BMAL1: variants seen among roughly 807,000 people sequenced by gnomAD.
BMAL1 encodes the protein basic helix-loop-helix ARNT like 1, also known as basic helix-loop-helix ARNT-like protein 1.
At chr11:13,357,465 G>A in the BMAL1 span, among the ~76,000 whole-genome samples, 1 of 152,216 alleles carries the variant, frequency 6.6e-6, no homozygotes, top group Admixed American at 6.5e-5. This position sits in a 1 kb window ranked among gnomAD's most constrained non-coding sequence, Gnocchi z 4.8. Flanking sequence ...CCTCTGTCAG[G>A]GGCCCCTATT....
the BMAL1 span, among the ~76,000 whole-genome samples, chr11:13,289,480 C>G: frequency 6.6e-6 from 1 of 152,090 alleles, no homozygotes; most frequent in Non-Finnish European, 1.5e-5. Context: ...TTTGCTGCAC[C>G]CATTAACTCA....
chr11:13,372,625 C>T, the BMAL1 span, among the ~76,000 whole-genome samples: 4 of 152,074 alleles, frequency 2.6e-5, no homozygotes, highest in East Asian at 1.9e-4. Context: ...GCCTGGGCAA[C>T]GTGGCAAAAC....
At chr11:13,300,886 T>A in the BMAL1 span, among the ~76,000 whole-genome samples, 1 of 152,142 alleles carries the variant, frequency 6.6e-6, no homozygotes, top group Non-Finnish European at 1.5e-5. Flanking sequence ...GAGGTATGTG[T>A]TGGCTTTGGA....
At chr11:13,280,503 A>G in the BMAL1 span, among the ~76,000 whole-genome samples, 3 of 152,164 alleles carry the variant, frequency 2.0e-5, no homozygotes, top group African/African-American at 4.8e-5. Flanking sequence ...TTCATCATCA[A>G]CTCTCACTGT....
chr11:13,297,898 C>T, the BMAL1 span, among the ~76,000 whole-genome samples: 2 of 152,202 alleles, frequency 1.3e-5, no homozygotes, highest in Non-Finnish European at 2.9e-5. Flanking sequence ...CCAAAGCTGT[C>T]TCCTGCTTCC....
chr11:13,303,794 A>G, the BMAL1 span, among the ~76,000 whole-genome samples: 960 of 152,288 alleles, frequency 6.3e-3, 10 homozygotes, highest in African/African-American at 0.022. Flanking sequence ...GCCAGAATTC[A>G]GTCACATGTT....
chr11:13,284,264 A>ATT, the BMAL1 span, among the ~76,000 whole-genome samples: 8 of 34,828 alleles, frequency 2.3e-4, 1 homozygote, highest in African/African-American at 1.2e-3. Context: ...ATATATATAT[A>ATT]TATTTTTTTT....
chr11:13,284,253 TATATATATATATA>T, the BMAL1 span, among the ~76,000 whole-genome samples: 19 of 32,236 alleles, frequency 5.9e-4, 1 homozygote, highest in Non-Finnish European at 8.0e-4. Flanking sequence ...TATATATATA[TATATATATATATA>T]TTTTTTTTTT....
At chr11:13,341,958 G>T in the BMAL1 span, among the ~76,000 whole-genome samples, 2 of 152,224 alleles carry the variant, frequency 1.3e-5, no homozygotes, top group African/African-American at 4.8e-5. Context: ...CCCCAGAGTG[G>T]AAGTGGCAGG....
the BMAL1 span, chr11:13,277,951 G>C: frequency 6.6e-6 from 1 of 151,292 alleles, no homozygotes; most frequent in Non-Finnish European, 1.5e-5. Context: ...GGCGGCCAGC[G>C]ACGCGATCCC....
chr11:13,359,604 T>C, the BMAL1 span, among the ~76,000 whole-genome samples: 1 of 152,174 alleles, frequency 6.6e-6, no homozygotes, highest in Non-Finnish European at 1.5e-5. Context: ...CCTGTCTCCT[T>C]CCCTCCCCAT....
the BMAL1 span, among the ~76,000 whole-genome samples, chr11:13,319,430 CA>C: frequency 2.6e-5 from 4 of 152,244 alleles, no homozygotes; most frequent in East Asian, 7.7e-4. Flanking sequence ...AATTACCCTC[CA>C]AAAAGGCTGT....
At chr11:13,313,169 C>T in the BMAL1 span, among the ~76,000 whole-genome samples, 140 of 152,360 alleles carry the variant, frequency 9.2e-4, 1 homozygote, top group African/African-American at 2.7e-3. Flanking sequence ...CCTCAGGCCT[C>T]GCTTTCTTCA....
chr11:13,356,896 C>T, the BMAL1 span: 14 of 1,591,572 alleles, frequency 8.8e-6, no homozygotes, highest in East Asian at 2.3e-5. Flanking sequence ...GCAAGGAGGC[C>T]GTGAGCCTGT....
At chr11:13,296,996 T>C in the BMAL1 span, among the ~76,000 whole-genome samples, 1 of 152,234 alleles carries the variant, frequency 6.6e-6, no homozygotes, top group East Asian at 1.9e-4. Context: ...AGGGCTCCCA[T>C]GTGGAGTGTG....
chr11:13,376,373 A>G, the BMAL1 span, among the ~76,000 whole-genome samples: 3 of 152,286 alleles, frequency 2.0e-5, no homozygotes, highest in African/African-American at 7.2e-5. Flanking sequence ...AGGTGCTGTA[A>G]TGATGGCAGT....
At chr11:13,307,146 A>G in the BMAL1 span, among the ~76,000 whole-genome samples, 1 of 152,226 alleles carries the variant, frequency 6.6e-6, no homozygotes. Flanking sequence ...GGCAGACAAA[A>G]TGCATCTGGG....
chr11:13,321,956 G>A, the BMAL1 span, among the ~76,000 whole-genome samples: 1 of 152,106 alleles, frequency 6.6e-6, no homozygotes, highest in Non-Finnish European at 1.5e-5. Context: ...ACTAGATTGT[G>A]TCCTTGGTGC....
chr11:13,291,816 G>GATACAGAATACTCTGTATT, the BMAL1 span, among the ~76,000 whole-genome samples: 1 of 152,004 alleles, frequency 6.6e-6, no homozygotes, highest in African/African-American at 2.4e-5. Context: ...TACTCTGTAT[G>GATACAGAATACTCTGTATT]ATACAGAATA....
Sources: allele counts gnomAD v4.1 joint callset (sites outside exome capture counted in the v4.1 genomes callset), GRCh38; gene constraint gnomAD v4.1.1; non-coding constraint Gnocchi (gnomAD v3.1); transcripts MANE v1.5; gene names NCBI Gene and HGNC (gene_info 2026-07-23, HGNC 2026-07-21).